Variants in BNIP2 observed in about 807,000 individuals in gnomAD.
BNIP2 encodes the protein BCL2 interacting protein 2.
In BNIP2, 36 loss-of-function variants were observed where a neutral mutation model predicts 43.4. The observed-to-expected ratio is 0.83, with a 90% CI of 0.64 to 1.10. The LOEUF (loss-of-function observed/expected upper bound fraction) is 1.10. Ranked by LOEUF, BNIP2 falls within the 50% of genes least tolerant of loss-of-function variation. The pLI is 0.00. For missense variants in BNIP2, 417 were observed against 374.1 expected, an observed-to-expected ratio of 1.11 and a Z score of -0.95; for synonymous variants, 146 against 121.0, an observed-to-expected ratio of 1.21 and a Z score of -1.35.
rs1235670192 is a variant in BNIP2 at position 59,659,779 on chromosome 15, G to A, written c.*4290C>T. ...TATCATTAATTTGAAAGCACGAAAT[G>A]ATTTTCATTTGGTGCTTACGTGCTT... On this transcript the variant is annotated 3_prime_UTR_variant, in exon 10 of 10. Coordinates refer to ENST00000607373, the MANE Select transcript of BNIP2 (RefSeq NM_004330.4). 1 of 152,158 alleles carries A rather than the reference G, an allele frequency of 6.6e-6. No homozygotes were observed. The highest frequency in any genetic ancestry group is 2.4e-5 in the African/African-American group (1 of 41,432). The allele number at this position is 152,158 out of a possible 1,614,324, so 9.4% of individuals were successfully genotyped here.
chr15:59,688,924 C>G, intron 1 of BNIP2: 7 of 1,458,798 alleles, frequency 4.8e-6, no homozygotes, highest in Non-Finnish European at 6.3e-6. Flanking sequence ...CAAATACAAA[C>G]AGGACCCAAG....
At chr15:59,685,275 G>A (rs376993645) in intron 1 of BNIP2, among the ~76,000 whole-genome samples, 17 of 152,106 alleles carry the variant, frequency 1.1e-4, no homozygotes, top group African/African-American at 4.1e-4. Context: ...TGAGGTGGGC[G>A]GATCACCTGA....
intron 1 of BNIP2, among the ~76,000 whole-genome samples, chr15:59,685,727 C>T (rs1893973508): frequency 6.6e-6 from 1 of 152,076 alleles, no homozygotes. Flanking sequence ...TTTACTCTAC[C>T]ATTTCATCAT....
chr15:59,684,891 T>C (rs1893915098), intron 1 of BNIP2, among the ~76,000 whole-genome samples: 1 of 152,202 alleles, frequency 6.6e-6, no homozygotes, highest in South Asian at 2.1e-4. Context: ...CCTACCATGG[T>C]GCCTAGCACA....
At chr15:59,673,307 G>C (rs146464181) in intron 5 of BNIP2, among the ~76,000 whole-genome samples, 5 of 152,026 alleles carry the variant, frequency 3.3e-5, no homozygotes, top group Non-Finnish European at 7.4e-5. Flanking sequence ...GTAGAGATGG[G>C]GTTTCACTAA....
chr15:59,678,126 A>C, intron 4 of BNIP2, 39 bp from the exon 5 acceptor site: 1 of 1,568,048 alleles, frequency 6.4e-7, no homozygotes, highest in Admixed American at 2.0e-5. Context: ...AAATTGTTAC[A>C]CAACAAAAAT....
intron 7 of BNIP2, 40 bp from the exon 8 acceptor site, chr15:59,669,402 T>TA (rs759553515): frequency 7.8e-7 from 1 of 1,284,970 alleles, no homozygotes; most frequent in Admixed American, 2.5e-5. Flanking sequence ...CAAAGAAAAT[T>TA]AAAAATTTCT....
At chr15:59,678,675 T>C (rs1893462555) in intron 4 of BNIP2, 2 of 1,194,192 alleles carry the variant, frequency 1.7e-6, no homozygotes, top group South Asian at 3.2e-5. Context: ...GTGTAATTTA[T>C]GTTTTGAGAT....
Position 59,672,618 on chromosome 15 carries a change from T to C in BNIP2, c.575+19A>G. On this transcript the variant is annotated intron_variant, in intron 6 of 9. Coordinates refer to ENST00000607373, the MANE Select transcript of BNIP2 (RefSeq NM_004330.4). Reference sequence around the variant, plus strand: ...AGCTCACAATTCTGTCCAAATGTTTTTGTTTAATATATACTTACTTAAAAA... The same window carrying C: ...AGCTCACAATTCTGTCCAAATGTTTCTGTTTAATATATACTTACTTAAAAA... 6.4e-7 allele frequency: 1 copy of C among 1,562,234 alleles called. No individual in the cohort carries two copies. Among genetic ancestry groups the C allele is most frequent in the South Asian group, 1.1e-5 (1 of 88,556 alleles).
chr15:59,659,280 T>C lies in BNIP2; in HGVS notation c.*4789A>G, dbSNP rs866054008. The C allele has an allele frequency of 6.6e-6, 1 of 152,208 alleles. No homozygotes were observed. The highest frequency in any genetic ancestry group is 2.4e-5 in the African/African-American group (1 of 41,450). 9.4% of individuals were successfully genotyped at this position (152,208 alleles called of 1,614,324 possible). ...CTTAGTAAATCATGACCAACTCTGG[T>C]ATTTCTTACAGGGACCACATTAATA... On this transcript the variant is annotated 3_prime_UTR_variant, in exon 10 of 10. Coordinates refer to ENST00000607373, the MANE Select transcript of BNIP2 (RefSeq NM_004330.4).
chr15:59,684,178 T>G (rs1196419121), intron 1 of BNIP2, among the ~76,000 whole-genome samples: 1 of 152,234 alleles, frequency 6.6e-6, no homozygotes, highest in Non-Finnish European at 1.5e-5. Context: ...GAATTTTTAC[T>G]TACCCTCAAG....
At position 59,661,315 on chromosome 15, in the gene BNIP2, G is replaced by A. The variant is rs1451532544; in HGVS notation, c.*2754C>T. On this transcript the variant is annotated 3_prime_UTR_variant, in exon 10 of 10. Transcript: ENST00000607373. ...ACTGCACTCCAGAATGGGTGACAGAGTGAGTCTCTGTCTCCAAAAAAAAAA... is the reference window on the plus strand; with the variant it reads ...ACTGCACTCCAGAATGGGTGACAGAATGAGTCTCTGTCTCCAAAAAAAAAA... The A allele has an allele frequency of 9.0e-6, 1 of 111,642 alleles. No individual in the cohort carries two copies. Among genetic ancestry groups the A allele is most frequent in the East Asian group, 2.8e-4 (1 of 3,558 alleles). The allele number at this position is 111,642 out of a possible 1,614,324, so 6.9% of individuals were successfully genotyped here. A position where few individuals can be genotyped will look rare whatever the true frequency, so the allele number is the denominator to read the frequency against.
chr15:59,682,654 T>A, intron 1 of BNIP2, 140 bp from the exon 2 acceptor site: 3 of 204,344 alleles, frequency 1.5e-5, no homozygotes, highest in Non-Finnish European at 1.8e-5. Flanking sequence ...AGGGTTGCAA[T>A]TTTTTTTTTT....
chr15:59,678,271 G>A (rs1256007767), intron 4 of BNIP2, 184 bp from the exon 5 acceptor site: 5 of 1,322,196 alleles, frequency 3.8e-6, no homozygotes, highest in East Asian at 6.0e-5. Flanking sequence ...TATGTCTTTG[G>A]AAATCATGGT....
At chr15:59,680,442 A>C (rs965754779) in intron 2 of BNIP2, 134 bp from the exon 3 acceptor site, 21 of 646,160 alleles carry the variant, frequency 3.2e-5, no homozygotes, top group South Asian at 8.3e-5. Flanking sequence ...TGTTTTTGAG[A>C]CAGGGTCTTG....
In BNIP2 at chr15:59,680,271, G is replaced by A; in HGVS notation, c.88C>T (p.Leu30=). Residue 30 remains leucine, a synonymous_variant, in exon 3 of 10, where the codon CTA becomes TTA. Transcript: ENST00000607373. ...PEDDSIEADI[L]AITGPEDQPG... is the part of the protein sequence containing the mutation. ...TGGTCCTCTGGTCCAGTTATAGCTA[G>A]TATATCTGCTTCAATACTATCATCT... 1 of 1,602,776 alleles carries A rather than the reference G, an allele frequency of 6.2e-7. No homozygotes were observed. Among genetic ancestry groups the A allele is most frequent in the Non-Finnish European group, 8.5e-7 (1 of 1,173,740 alleles).
chr15:59,669,254 G>T (rs781645829), intron 8 of BNIP2, 22 bp downstream of exon 8: 6 of 1,480,196 alleles, frequency 4.1e-6, no homozygotes, highest in Non-Finnish European at 5.5e-6. Flanking sequence ...TAAAATTAAA[G>T]TCAATGGCTC....
intron 5 of BNIP2, 165 bp downstream of exon 5, chr15:59,677,745 AG>A: frequency 1.7e-6 from 2 of 1,170,426 alleles, no homozygotes; most frequent in South Asian, 4.8e-5. Context: ...CAAGCCCTCC[AG>A]GAACTGGTTA....
At position 59,660,138 on chromosome 15, in the gene BNIP2, A is replaced by T. The variant is rs1417465256; in HGVS notation, c.*3931T>A. On this transcript the variant is annotated 3_prime_UTR_variant, in exon 10 of 10. Transcript: ENST00000607373. ...CTTCCCATTCAAGTCTAAGTTCTTG[A>T]CTCTTTCTCGCAGCAACTCAAACTA... 6.6e-6 allele frequency: 1 copy of T among 151,954 alleles called. No individual in the cohort carries two copies. Among genetic ancestry groups the T allele is most frequent in the Non-Finnish European group, 1.5e-5 (1 of 68,018 alleles). The allele number at this position is 151,954 out of a possible 1,614,324, so 9.4% of individuals were successfully genotyped here. A position where few individuals can be genotyped will look rare whatever the true frequency, so the allele number is the denominator to read the frequency against.
Sources: allele counts gnomAD v4.1 joint callset (sites outside exome capture counted in the v4.1 genomes callset), GRCh38; gene constraint gnomAD v4.1.1; transcripts MANE v1.5; gene names NCBI Gene and HGNC (gene_info 2026-07-23, HGNC 2026-07-21).